The following GSR variants were observed in gnomAD, a reference collection of about 807,000 sequenced individuals.
GSR encodes glutathione-disulfide reductase.
GSR carries 48 observed loss-of-function variants against 56.5 expected under a neutral mutation model. That is an observed-to-expected ratio of 0.85 (90% CI 0.67 to 1.08). GSR has a LOEUF of 1.08. Among genes scored for constraint, GSR ranks in the 50% least tolerant of loss-of-function variants. The pLI, the probability that GSR is intolerant of heterozygous loss-of-function variation, is 0.00. For missense variants in GSR, 694 were observed against 703.3 expected (o/e 0.99, Z 0.15); for synonymous variants, 264 against 270.8 (o/e 0.97, Z 0.25).
Position 30,710,714 on chromosome 8 carries a change from C to CAAAAAAAAAAAAAAA in GSR, c.334-827_334-813dup, listed in dbSNP as rs60532553. On this transcript the variant is annotated intron_variant, in intron 2 of 12. Coordinates refer to ENST00000221130, the MANE Select transcript of GSR (RefSeq NM_000637.5). Reference sequence around the variant, plus strand: ...CCTGGGCAAGAGTGAGACTCTGTCTCAAAAAAAAAAAAAAAAAAAAAAAAA... The same window carrying CAAAAAAAAAAAAAAA: ...CCTGGGCAAGAGTGAGACTCTGTCTCAAAAAAAAAAAAAAAAAAAAAAAAAAAAAAAAAAAAAAAA... 9.2e-4 allele frequency among the ~76,000 whole-genome samples: 47 copies of CAAAAAAAAAAAAAAA among 51,034 alleles called. 3 individuals carry two copies. Among genetic ancestry groups the CAAAAAAAAAAAAAAA allele is most frequent in the African/African-American group, 2.9e-3 (44 of 15,208 alleles). 33.5% of individuals were successfully genotyped at this position (51,034 alleles called of 152,430 possible).
At chr8:30,689,031 A>G (rs1803266572) in intron 9 of GSR, 130 bp downstream of exon 9, 2 of 778,008 alleles carry the variant, frequency 2.6e-6, no homozygotes, top group Non-Finnish European at 4.5e-6. Context: ...TTGATCACAA[A>G]CTGAATACAT....
intron 5 of GSR, among the ~76,000 whole-genome samples, chr8:30,701,351 T>A (rs973701010): frequency 4.6e-5 from 7 of 152,026 alleles, no homozygotes; most frequent in Admixed American, 3.9e-4. Context: ...CTGTAATCCC[T>A]GCTACTCAGG....
At chr8:30,721,578 G>A (rs183246504) in intron 1 of GSR, among the ~76,000 whole-genome samples, 3 of 151,720 alleles carry the variant, frequency 2.0e-5, no homozygotes, top group Admixed American at 6.6e-5. Context: ...ACTTGAACTT[G>A]GGAGGTGGAG....
intron 2 of GSR, among the ~76,000 whole-genome samples, 189 bp from the exon 3 acceptor site, chr8:30,710,091 G>A (rs752458371): frequency 1.4e-4 from 22 of 151,918 alleles, no homozygotes; most frequent in Non-Finnish European, 3.1e-4. Context: ...CGAGGCAGGT[G>A]GATCACTTGA....
chr8:30,699,356 T>A (rs955278454), intron 6 of GSR, among the ~76,000 whole-genome samples: 13 of 151,628 alleles, frequency 8.6e-5, no homozygotes, highest in Non-Finnish European at 1.5e-4. Flanking sequence ...CATCTGTAAT[T>A]CCAGCACTTT....
At chr8:30,700,170 CT>C in intron 5 of GSR, 35 bp from the exon 6 acceptor site, 2 of 1,438,078 alleles carry the variant, frequency 1.4e-6, no homozygotes, top group Non-Finnish European at 2.0e-6. Flanking sequence ...TCACACAAGA[CT>C]GCTCTTTCTC....
At chr8:30,724,428 TAA>T (rs1364475288) in intron 1 of GSR, among the ~76,000 whole-genome samples, 1 of 152,004 alleles carries the variant, frequency 6.6e-6, no homozygotes, top group East Asian at 1.9e-4. Context: ...TTATTTCTAT[TAA>T]AGAGACACTC....
intron 6 of GSR, among the ~76,000 whole-genome samples, chr8:30,698,512 A>G (rs1803622808): frequency 6.6e-6 from 1 of 152,168 alleles, no homozygotes. Context: ...CAAACCAAAA[A>G]AGATTGTATG....
chr8:30,698,638 C>T (rs537924949), intron 6 of GSR, among the ~76,000 whole-genome samples: 192 of 152,298 alleles, frequency 1.3e-3, no homozygotes, highest in African/African-American at 4.5e-3. Flanking sequence ...TGAACTGCCT[C>T]GTGCTGTCTG....
intron 7 of GSR, among the ~76,000 whole-genome samples, chr8:30,695,989 G>A (rs953246279): frequency 3.9e-5 from 6 of 152,118 alleles, no homozygotes; most frequent in Non-Finnish European, 8.8e-5. Flanking sequence ...GCAGTGAGCC[G>A]AGATGGTGCC....
chr8:30,696,217 G>T (rs1305665831), intron 7 of GSR, among the ~76,000 whole-genome samples, 163 bp downstream of exon 7: 2 of 152,036 alleles, frequency 1.3e-5, no homozygotes, highest in Non-Finnish European at 2.9e-5. Context: ...AACTGGGAGG[G>T]ATATAGGCCA....
In GSR at chr8:30,689,323, T is replaced by C. The variant is rs201325602; in HGVS notation, c.883-4A>G. 2.1e-5 allele frequency: 34 copies of C among 1,613,324 alleles called. No individual in the cohort carries two copies. The African/African-American group carries it at 2.8e-4, about 13-fold the overall frequency. ...AAGTCTTTTTAACCTCCTTGACCTA[T>C]TGGCAAATAAAATGTGTTACACATG... On this transcript the variant is annotated splice_polypyrimidine_tract_variant and splice_region_variant and intron_variant, in intron 8 of 12. Coordinates refer to ENST00000221130, the MANE Select transcript of GSR (RefSeq NM_000637.5).
intron 3 of GSR, among the ~76,000 whole-genome samples, chr8:30,708,379 A>C (rs898224816): frequency 6.6e-6 from 1 of 152,236 alleles, no homozygotes; most frequent in African/African-American, 2.4e-5. Flanking sequence ...CTTTCTGCGC[A>C]GAAGACAAGG....
At chr8:30,727,411 T>G in intron 1 of GSR, 119 bp downstream of exon 1, 18 of 964,146 alleles carry the variant, frequency 1.9e-5, no homozygotes, top group Admixed American at 2.4e-5. Flanking sequence ...GTTGCGGGGG[T>G]GGAAAAGAGG....
At chr8:30,705,112 G>C (rs1490576821) in intron 4 of GSR, among the ~76,000 whole-genome samples, 1 of 150,598 alleles carries the variant, frequency 6.6e-6, no homozygotes, top group African/African-American at 2.4e-5. Context: ...TTTTGCAAAA[G>C]TATTTCAGTC....
chr8:30,703,660 T>C (rs1218354460), intron 4 of GSR, among the ~76,000 whole-genome samples: 2 of 151,544 alleles, frequency 1.3e-5, no homozygotes, highest in African/African-American at 4.9e-5. Flanking sequence ...GGCAGGAGGA[T>C]TGCTTGAATC....
At chr8:30,723,807 CACACACACA>C (rs759648321) in intron 1 of GSR, among the ~76,000 whole-genome samples, 99 of 150,738 alleles carry the variant, frequency 6.6e-4, no homozygotes, top group Middle Eastern at 6.9e-3. Flanking sequence ...CACACACACA[CACACACACA>C]CACCCAGGTC....
rs575992937 is a variant in GSR, at chr8:30,714,294, C to T, written c.307-2206G>A. 1.0e-4 allele frequency among the ~76,000 whole-genome samples: 15 copies of T among 147,782 alleles called. No homozygotes were observed. In the South Asian group the frequency reaches 3.0e-3, roughly 30 times the overall value. On this transcript the variant is annotated intron_variant, in intron 1 of 12. Transcript: ENST00000221130. ...TGGTGCAATCTCAGCTCACTGCAAC[C>T]TCCGCTCCCCGGGATCAAACAATTC...
intron 10 of GSR, 37 bp downstream of exon 10, chr8:30,684,051 G>T: frequency 9.5e-7 from 1 of 1,053,100 alleles, no homozygotes; most frequent in Non-Finnish European, 1.5e-6. Context: ...CATGTAACAC[G>T]CAGACCCTCC....
Sources: allele counts gnomAD v4.1 joint callset (sites outside exome capture counted in the v4.1 genomes callset), GRCh38; gene constraint gnomAD v4.1.1; transcripts MANE v1.5; gene names NCBI Gene and HGNC (gene_info 2026-07-23, HGNC 2026-07-21).